ENTREP2: variants seen among roughly 807,000 people sequenced by gnomAD.
ENTREP2 encodes protein ENTREP2.
the ENTREP2 span, among the ~76,000 whole-genome samples, chr15:29,287,213 T>C: frequency 1.3e-5 from 2 of 152,076 alleles, no homozygotes; most frequent in Non-Finnish European, 2.9e-5. Flanking sequence ...TCCGCGGCCA[T>C]TTCCCCATGG....
the ENTREP2 span, among the ~76,000 whole-genome samples, chr15:29,170,121 C>A: frequency 6.6e-6 from 1 of 151,760 alleles, no homozygotes; most frequent in Non-Finnish European, 1.5e-5. Context: ...TCCTGGCTAA[C>A]ATGGTGAAAC....
At chr15:29,457,423 TCTTCTGTGTC>T in the ENTREP2 span, among the ~76,000 whole-genome samples, 1 of 152,224 alleles carries the variant, frequency 6.6e-6, no homozygotes, top group African/African-American at 2.4e-5. Flanking sequence ...GAGAGCAACA[TCTTCTGTGTC>T]CCTTGCAGAG....
At chr15:29,595,856 C>CT in the ENTREP2 span, among the ~76,000 whole-genome samples, 2 of 152,052 alleles carry the variant, frequency 1.3e-5, no homozygotes, top group Non-Finnish European at 2.9e-5. Flanking sequence ...TTTGGGGGCT[C>CT]TTTCAGTTGG....
chr15:29,310,397 A>G, the ENTREP2 span, among the ~76,000 whole-genome samples: 4 of 152,186 alleles, frequency 2.6e-5, no homozygotes, highest in Admixed American at 2.6e-4. Context: ...CGCTCACTGG[A>G]GCAGAACTGC....
the ENTREP2 span, among the ~76,000 whole-genome samples, chr15:29,673,431 C>T: frequency 2.6e-5 from 4 of 152,038 alleles, no homozygotes; most frequent in African/African-American, 7.2e-5. Flanking sequence ...GACAAAATCA[C>T]GGAAAGTCGA....
At chr15:29,519,542 A>G in the ENTREP2 span, among the ~76,000 whole-genome samples, 1,976 of 152,298 alleles carry the variant, frequency 0.013, 46 homozygotes, top group African/African-American at 0.046. Context: ...TGATTTTCCT[A>G]TTAACATTTC....
chr15:29,393,526 T>C, the ENTREP2 span, among the ~76,000 whole-genome samples: 1 of 152,160 alleles, frequency 6.6e-6, no homozygotes, highest in Non-Finnish European at 1.5e-5. Flanking sequence ...CCTCAGTTCA[T>C]TATTTATTTG....
the ENTREP2 span, among the ~76,000 whole-genome samples, chr15:29,133,580 G>A: frequency 6.6e-6 from 1 of 152,214 alleles, no homozygotes; most frequent in East Asian, 1.9e-4. Context: ...CGTGGCCCTG[G>A]ATGTTAGCTT....
At chr15:29,647,216 T>C in the ENTREP2 span, among the ~76,000 whole-genome samples, 1 of 152,200 alleles carries the variant, frequency 6.6e-6, no homozygotes, top group African/African-American at 2.4e-5. Context: ...GGACATACAA[T>C]AGGAACAGAG....
the ENTREP2 span, chr15:29,136,316 T>C: frequency 4.8e-6 from 7 of 1,448,888 alleles, no homozygotes; most frequent in Non-Finnish European, 6.3e-6. Context: ...CGGGACGGTG[T>C]CCCTAGCATT....
the ENTREP2 span, among the ~76,000 whole-genome samples, chr15:29,478,011 ATATATATATTT>A: frequency 9.9e-5 from 7 of 70,364 alleles, no homozygotes; most frequent in South Asian, 1.6e-3. Context: ...ATATATATAT[ATATATATATTT>A]TTTTTTTTTT....
At chr15:29,435,754 A>G in the ENTREP2 span, among the ~76,000 whole-genome samples, 2 of 151,926 alleles carry the variant, frequency 1.3e-5, no homozygotes, top group African/African-American at 4.8e-5. Context: ...ATGTAAATGG[A>G]ACTCTAAAGA....
the ENTREP2 span, among the ~76,000 whole-genome samples, chr15:29,643,388 A>G: frequency 6.6e-4 from 101 of 152,348 alleles, 1 homozygote; most frequent in African/African-American, 2.3e-3. Flanking sequence ...GTTCAACATC[A>G]TTAGCCACCA....
chr15:29,266,420 T>C, the ENTREP2 span: 1 of 152,232 alleles, frequency 6.6e-6, no homozygotes, highest in African/African-American at 2.4e-5. Context: ...TTGCTCCATT[T>C]GTTTCTGGCT....
At chr15:29,469,792 G>A in the ENTREP2 span, among the ~76,000 whole-genome samples, 1 of 145,656 alleles carries the variant, frequency 6.9e-6, no homozygotes, top group Non-Finnish European at 1.5e-5. Flanking sequence ...TTTTTAAAAA[G>A]CCTCCCTTCC....
chr15:29,510,026 GA>G, the ENTREP2 span, among the ~76,000 whole-genome samples: 1 of 151,936 alleles, frequency 6.6e-6, no homozygotes, highest in Non-Finnish European at 1.5e-5. Context: ...GTAATATCCA[GA>G]ATCTACAAGG....
chr15:29,675,370 C>G, the ENTREP2 span: 2 of 139,694 alleles, frequency 1.4e-5, no homozygotes, highest in Admixed American at 1.5e-4. Flanking sequence ...GCGACTCGCA[C>G]GAGCATGTCC....
At chr15:29,269,376 G>A in the ENTREP2 span, 11 of 1,614,188 alleles carry the variant, frequency 6.8e-6, no homozygotes, top group South Asian at 1.1e-5. Flanking sequence ...GCTTCAGTAT[G>A]TCGGCCCGCT....
the ENTREP2 span, among the ~76,000 whole-genome samples, chr15:29,200,650 C>T: frequency 7.2e-5 from 11 of 151,934 alleles, no homozygotes; most frequent in Non-Finnish European, 2.9e-5. Flanking sequence ...CTTCTGCCTT[C>T]TGGATTCAAG....
Sources: gnomAD v4.1 joint callset for allele counts (sites outside exome capture counted in the v4.1 genomes callset) on GRCh38, gnomAD v4.1.1 for gene constraint, MANE v1.5 for transcripts, NCBI Gene and HGNC (gene_info 2026-07-23, HGNC 2026-07-21) for gene names.